The following FLNB variants were observed in gnomAD, a reference collection of about 807,000 sequenced individuals.
FLNB encodes filamin-B.
FLNB carries 111 observed loss-of-function variants against 250.6 expected under a neutral mutation model. The observed-to-expected ratio is 0.44, with a 90% confidence interval of 0.38 to 0.52. The LOEUF is 0.52. Ranked by LOEUF, FLNB falls within the 20% of genes least tolerant of loss-of-function variation. FLNB has a pLI of 0.00. For synonymous variants in FLNB, 1,302 were observed against 1,372.1 expected, an observed-to-expected ratio of 0.95 and a Z score of 1.13; for missense variants, 2,869 against 3,447.8, an observed-to-expected ratio of 0.83 and a Z score of 4.20.
intron 1 of FLNB, among the ~76,000 whole-genome samples, chr3:58,012,325 C>G (rs2097100206): frequency 6.6e-6 from 1 of 151,760 alleles, no homozygotes; most frequent in Non-Finnish European, 1.5e-5. Context: ...CATACTCTTG[C>G]CATGGTTAGT....
Position 58,008,585 on chromosome 3 carries a change from T to G in FLNB, c.21T>G (p.Asp7Glu). 1 of 1,604,028 alleles carries G rather than the reference T, an allele frequency of 6.2e-7. No individual in the cohort carries two copies. The highest frequency in any genetic ancestry group is 2.0e-4 in the Middle Eastern group (1 of 5,048). ...CCAGGATGCCGGTAACCGAGAAGGA[T>G]CTAGCTGAGGACGCGCCTTGGAAGA... MPVTEK[D>E]LAEDAPWKKI... Residue 7 changes from aspartate to glutamate, a missense_variant, in exon 1 of 46, where the codon GAT becomes GAG. This residue lies in a region of FLNB where 308 missense variants were observed against 466.1 expected (regional missense o/e 0.66). Transcript: ENST00000295956.
intron 1 of FLNB, among the ~76,000 whole-genome samples, chr3:58,058,207 G>T (rs1476391433): frequency 6.6e-6 from 1 of 152,166 alleles, no homozygotes; most frequent in African/African-American, 2.4e-5. Context: ...AGTTATTACA[G>T]AAATAGTTTT....
intron 1 of FLNB, among the ~76,000 whole-genome samples, chr3:58,036,384 G>A (rs1483257758): frequency 6.6e-6 from 1 of 152,148 alleles, no homozygotes; most frequent in African/African-American, 2.4e-5. Flanking sequence ...AAGATAATTC[G>A]GCAGGTAGGG....
At chr3:58,031,497 C>T (rs1010762925) in intron 1 of FLNB, among the ~76,000 whole-genome samples, 7 of 150,260 alleles carry the variant, frequency 4.7e-5, no homozygotes, top group Non-Finnish European at 7.4e-5. Flanking sequence ...CTGCCTCGGC[C>T]TCCCAAAGTG....
intron 18 of FLNB, 29 bp downstream of exon 18, chr3:58,112,347 G>A (rs771183412): frequency 6.2e-7 from 1 of 1,609,624 alleles, no homozygotes; most frequent in Non-Finnish European, 8.5e-7. Context: ...CTGCTCCCCT[G>A]GCCCCCAGCC....
In FLNB at chr3:58,102,871, G is replaced by A. The variant is rs191627710; in HGVS notation, c.1483+531G>A. On this transcript the variant is annotated intron_variant, in intron 9 of 45. Transcript: ENST00000295956. ...TTTTCTTTGTAGATAAATGCCATTT[G>A]TGGAGGTACAGGTTAAACCCTGCAA... is the stretch of plus-strand genomic sequence containing the variant. Among the ~76,000 whole-genome samples, 95 of 152,344 alleles carry A rather than the reference G, an allele frequency of 6.2e-4. No individual in the cohort carries two copies. The East Asian group carries it at 0.015, about 25-fold the overall frequency.
chr3:58,038,644 G>C (rs1251437222), intron 1 of FLNB, among the ~76,000 whole-genome samples: 1 of 150,742 alleles, frequency 6.6e-6, no homozygotes, highest in Non-Finnish European at 1.5e-5. Context: ...CCCCAGGCTG[G>C]TCTCAAATTC....
chr3:58,045,999 C>CAA lies in FLNB; in HGVS notation c.293-31023_293-31022dup, dbSNP rs34327981. Among the ~76,000 whole-genome samples the CAA allele has an allele frequency of 7.0e-3, 485 of 68,928 alleles. 2 individuals carry two copies. The East Asian group carries it at 0.071, about 10-fold the overall frequency. The allele number at this position is 68,928 out of a possible 152,430, so 45.2% of individuals were successfully genotyped here. A position where few individuals can be genotyped will look rare whatever the true frequency, so the allele number is the denominator to read the frequency against. Reference sequence around the variant, plus strand: ...GGGCTACAGAGCGAGACTCCGTCTCCAAAAAAAAAAAAAAAAAAAAAAAAA... The same window carrying CAA: ...GGGCTACAGAGCGAGACTCCGTCTCCAAAAAAAAAAAAAAAAAAAAAAAAAAA... On this transcript the variant is annotated intron_variant, in intron 1 of 45. Transcript: ENST00000295956.
chr3:58,122,496 C>CAA lies in FLNB; in HGVS notation c.3127-582_3127-581dup, dbSNP rs11320902. ...CAACAGAGTGAGATTCCGTCCCCTC[C>CAA]AAAAAAAAAAAAAAAAGTTCATCGT... On this transcript the variant is annotated intron_variant, in intron 20 of 45. Transcript: ENST00000295956. 4.0e-3 allele frequency among the ~76,000 whole-genome samples: 519 copies of CAA among 130,864 alleles called. 3 individuals carry two copies. The highest frequency in any genetic ancestry group is 0.013 in the African/African-American group (480 of 36,240). The allele number at this position is 130,864 out of a possible 152,430, so 85.9% of individuals were successfully genotyped here. A position where few individuals can be genotyped will look rare whatever the true frequency, so the allele number is the denominator to read the frequency against.
At chr3:58,105,383 C>T (rs1009647870) in intron 11 of FLNB, among the ~76,000 whole-genome samples, 167 bp downstream of exon 11, 2 of 152,164 alleles carry the variant, frequency 1.3e-5, no homozygotes, top group Non-Finnish European at 2.9e-5. Context: ...TTTGCAGTTG[C>T]CTCTGATACC....
At chr3:58,107,830 C>T (rs1007232236) in intron 12 of FLNB, among the ~76,000 whole-genome samples, 16 of 152,198 alleles carry the variant, frequency 1.1e-4, no homozygotes, top group Non-Finnish European at 1.5e-5. Context: ...GTAGCTACCC[C>T]GTTTTGGCCA....
chr3:58,149,744 G>A, intron 36 of FLNB, 106 bp from the exon 37 acceptor site: 1 of 1,438,148 alleles, frequency 7.0e-7, no homozygotes, highest in South Asian at 1.2e-5. Context: ...TTTCTGCTAT[G>A]TAGAAATAGA....
At chr3:58,041,378 C>T (rs1257998993) in intron 1 of FLNB, among the ~76,000 whole-genome samples, 1 of 152,182 alleles carries the variant, frequency 6.6e-6, no homozygotes, top group Non-Finnish European at 1.5e-5. Flanking sequence ...TCCCGCTGAG[C>T]GGCCCTGGTG....
At position 58,170,466 on chromosome 3, in the gene FLNB, G is replaced by A. The variant is rs1450513447; in HGVS notation, c.7622-109G>A. On this transcript the variant is annotated intron_variant, in intron 45 of 45. Coordinates refer to ENST00000295956, the MANE Select transcript of FLNB (RefSeq NM_001457.4). ...ATTGCCACGCTCTCCCACCTCTTAG[G>A]GGCCCCAGCATTATCGTGGAAGCAC... 4.6e-6 allele frequency: 5 copies of A among 1,094,774 alleles called. No individual in the cohort carries two copies. The East Asian group carries it at 1.0e-4, about 23-fold the overall frequency. The allele number at this position is 1,094,774 out of a possible 1,614,324, so 67.8% of individuals were successfully genotyped here. A position where few individuals can be genotyped will look rare whatever the true frequency, so the allele number is the denominator to read the frequency against.
At chr3:58,137,034 T>C (rs536218827) in intron 28 of FLNB, among the ~76,000 whole-genome samples, 1 of 152,288 alleles carries the variant, frequency 6.6e-6, no homozygotes, top group East Asian at 1.9e-4. Flanking sequence ...TTTCAGTTTT[T>C]AAGAACAGCC....
intron 9 of FLNB, 23 bp from the exon 10 acceptor site, chr3:58,103,936 G>A (rs1384303605): frequency 1.2e-6 from 2 of 1,614,026 alleles, no homozygotes; most frequent in South Asian, 2.2e-5. Context: ...GTGTTGGAAA[G>A]ATTATCTCCT....
At chr3:58,055,095 T>C (rs1490786567) in intron 1 of FLNB, among the ~76,000 whole-genome samples, 1 of 152,196 alleles carries the variant, frequency 6.6e-6, no homozygotes, top group East Asian at 1.9e-4. Flanking sequence ...GGTGAAATCC[T>C]GTCTCTACCA....
At chr3:58,049,207 C>A (rs1045449525) in intron 1 of FLNB, among the ~76,000 whole-genome samples, 2 of 152,148 alleles carry the variant, frequency 1.3e-5, no homozygotes, top group Admixed American at 1.3e-4. Context: ...TAACTGATAT[C>A]TTGTATTTTT....
At chr3:58,052,926 C>G (rs529753926) in intron 1 of FLNB, among the ~76,000 whole-genome samples, 1 of 152,320 alleles carries the variant, frequency 6.6e-6, no homozygotes, top group African/African-American at 2.4e-5. Context: ...TGTGCCTCCT[C>G]CATTTTGTGT....
Sources: gnomAD v4.1 joint callset for allele counts (sites outside exome capture counted in the v4.1 genomes callset) on GRCh38, gnomAD v4.1.1 for gene constraint, gnomAD v4.1.1 regional missense constraint, MANE v1.5 for transcripts, NCBI Gene and HGNC (gene_info 2026-07-23, HGNC 2026-07-21) for gene names.